The following CAP2 variants were observed in gnomAD, a reference collection of about 807,000 sequenced individuals.
CAP2 encodes cyclase associated actin cytoskeleton regulatory protein 2.
A neutral mutation model predicts 57.7 loss-of-function variants in CAP2; 24 were observed. The observed-to-expected ratio is 0.42, with a 90% CI of 0.30 to 0.58. CAP2 has a LOEUF of 0.58. Among genes scored for constraint, CAP2 ranks in the 20% least tolerant of loss-of-function variants. The pLI, the probability that CAP2 is intolerant of heterozygous loss-of-function variation, is 0.22. For missense variants in CAP2, 501 were observed against 590.3 expected (o/e 0.85, Z 1.57); for synonymous variants, 194 against 207.2 (o/e 0.94, Z 0.55).
At chr6:17,555,373 T>C (rs1763276592) in intron 12 of CAP2, among the ~76,000 whole-genome samples, 2 of 151,654 alleles carry the variant, frequency 1.3e-5, no homozygotes, top group South Asian at 2.1e-4. Flanking sequence ...TTTGTATTTT[T>C]AGTAGACACG....
chr6:17,549,451 C>A (rs947430007), intron 11 of CAP2, among the ~76,000 whole-genome samples: 2 of 150,632 alleles, frequency 1.3e-5, no homozygotes, highest in Non-Finnish European at 3.0e-5. Flanking sequence ...GCAACAAGAG[C>A]GAAACTCCAT....
intron 11 of CAP2, 66 bp downstream of exon 11, chr6:17,543,209 G>GAGCCTTTCCAACCACGCTGTAATAAGC (rs1762950185): frequency 7.4e-7 from 1 of 1,346,446 alleles, no homozygotes; most frequent in African/African-American, 1.4e-5. Context: ...GTAATAAGCA[G>GAGCCTTTCCAACCACGCTGTAATAAGC]AGCCTTTCCA....
intron 11 of CAP2, among the ~76,000 whole-genome samples, chr6:17,547,995 A>C (rs550920086): frequency 1.6e-4 from 24 of 152,274 alleles, no homozygotes; most frequent in African/African-American, 5.3e-4. Context: ...AACTAAAAAA[A>C]CATTCAGCAA....
chr6:17,541,198 G>C, intron 9 of CAP2, 50 bp downstream of exon 9: 1 of 1,422,930 alleles, frequency 7.0e-7, no homozygotes, highest in East Asian at 2.3e-5. Context: ...CCAATGAAAG[G>C]ACCAACAGCC....
intron 4 of CAP2, among the ~76,000 whole-genome samples, chr6:17,466,339 T>C (rs1368527594): frequency 6.6e-6 from 1 of 152,192 alleles, no homozygotes; most frequent in Non-Finnish European, 1.5e-5. Flanking sequence ...CTCAGACTGC[T>C]GGGCCCCACT....
At chr6:17,406,203 C>CTT (rs2113509408) in intron 1 of CAP2, among the ~76,000 whole-genome samples, 2 of 152,120 alleles carry the variant, frequency 1.3e-5, no homozygotes, top group Admixed American at 1.3e-4. Context: ...CCCAAGATCC[C>CTT]TTTTTCCTGT....
intron 4 of CAP2, among the ~76,000 whole-genome samples, chr6:17,492,558 G>C (rs1212937921): frequency 1.3e-5 from 2 of 152,144 alleles, no homozygotes; most frequent in East Asian, 1.9e-4. Context: ...CAGCCAGTTG[G>C]GGGGAAAAGC....
intron 4 of CAP2, among the ~76,000 whole-genome samples, chr6:17,478,655 T>C (rs1761216120): frequency 1.3e-5 from 2 of 152,082 alleles, no homozygotes; most frequent in African/African-American, 2.4e-5. Context: ...CAAAAACAAC[T>C]TCCTTCACTG....
rs1554123103 is a variant in CAP2, at chr6:17,443,594, C to CACAT, written c.222+16904_222+16905insACAT. On this transcript the variant is annotated intron_variant, in intron 3 of 12. Coordinates refer to ENST00000229922, the MANE Select transcript of CAP2 (RefSeq NM_006366.3). Reference sequence around the variant, plus strand: ...ACACAGACACACACACACACACACACGTGCGCACGTGCACTCCCTCCACTC... The same window carrying CACAT: ...ACACAGACACACACACACACACACACACATGTGCGCACGTGCACTCCCTCCACTC... 2.3e-4 allele frequency among the ~76,000 whole-genome samples: 35 copies of CACAT among 151,584 alleles called. 1 individual carries two copies. The highest frequency in any genetic ancestry group is 8.2e-4 in the African/African-American group (34 of 41,224).
intron 11 of CAP2, among the ~76,000 whole-genome samples, chr6:17,547,653 A>G (rs1283964463): frequency 6.6e-6 from 1 of 152,018 alleles, no homozygotes; most frequent in African/African-American, 2.4e-5. Flanking sequence ...CATCCTGGCT[A>G]ACACAGTGAA....
intron 4 of CAP2, among the ~76,000 whole-genome samples, chr6:17,484,194 C>G (rs1365876293): frequency 6.6e-6 from 1 of 152,060 alleles, no homozygotes; most frequent in Non-Finnish European, 1.5e-5. Flanking sequence ...GGGCTCCATT[C>G]ATTTCCTTTC....
In CAP2 at chr6:17,522,272, AGTT is replaced by A. The variant is rs1270013678; in HGVS notation, c.636+8322_636+8324del. Among the ~76,000 whole-genome samples, 4 of 152,160 alleles carry A rather than the reference AGTT, an allele frequency of 2.6e-5. No individual in the cohort carries two copies. In the East Asian group the frequency reaches 5.8e-4, roughly 22 times the overall value. ...TACTGTATTTAAGTTGGGCCAAAGG[AGTT>A]GTTATAGGGAAATCATTCACTTTTA... is the stretch of plus-strand genomic sequence containing the variant. On this transcript the variant is annotated intron_variant, in intron 7 of 12. Coordinates refer to ENST00000229922, the MANE Select transcript of CAP2 (RefSeq NM_006366.3).
chr6:17,523,358 G>A (rs1361728590), intron 7 of CAP2, among the ~76,000 whole-genome samples: 1 of 152,160 alleles, frequency 6.6e-6, no homozygotes, highest in Non-Finnish European at 1.5e-5. Flanking sequence ...ATCTTCACCT[G>A]GGGTTTCACT....
At chr6:17,428,521 G>T (rs1759645768) in intron 3 of CAP2, among the ~76,000 whole-genome samples, 1 of 151,252 alleles carries the variant, frequency 6.6e-6, no homozygotes, top group African/African-American at 2.4e-5. Flanking sequence ...CTTGAATAAA[G>T]TTGTGGTTTG....
chr6:17,421,593 G>C lies in CAP2; in HGVS notation c.38G>C (p.Arg13Pro), dbSNP rs201044058. 6.8e-6 allele frequency: 11 copies of C among 1,614,072 alleles called. No individual in the cohort carries two copies. Among genetic ancestry groups the C allele is most frequent in the Non-Finnish European group, 8.5e-6 (10 of 1,179,970 alleles). Residue 13 changes from arginine to proline, a missense_variant, in exon 2 of 13, where the codon CGA becomes CCA. Physicochemically the swap from Arg to Pro is moderately radical, Grantham distance 103. Coordinates refer to ENST00000229922, the MANE Select transcript of CAP2 (RefSeq NM_006366.3). Reference protein sequence around the residue: ...NMQGLVERLERAVSRLESLSA... With the variant: ...NMQGLVERLEPAVSRLESLSA... ...CAGGGACTGGTGGAAAGACTGGAACGAGCTGTCAGCCGCCTGGAGTCGCTG... is the reference window on the plus strand; with the variant it reads ...CAGGGACTGGTGGAAAGACTGGAACCAGCTGTCAGCCGCCTGGAGTCGCTG...
intron 3 of CAP2, among the ~76,000 whole-genome samples, chr6:17,438,971 C>T (rs1759988827): frequency 6.7e-6 from 1 of 150,328 alleles, no homozygotes; most frequent in South Asian, 2.1e-4. Flanking sequence ...ATTAGCCGGG[C>T]GTGGTAGTGC....
At chr6:17,481,080 T>C (rs1215067590) in intron 4 of CAP2, among the ~76,000 whole-genome samples, 1 of 150,916 alleles carries the variant, frequency 6.6e-6, no homozygotes, top group Admixed American at 6.6e-5. Context: ...TGTGAGCCAC[T>C]GCACCCAGCA....
chr6:17,539,579 A>G, intron 8 of CAP2, 121 bp downstream of exon 8: 1 of 746,570 alleles, frequency 1.3e-6, no homozygotes, highest in Non-Finnish European at 2.1e-6. Context: ...GCATGCAGGG[A>G]GAGGGGGAAC....
chr6:17,436,683 C>G (rs1759899442), intron 3 of CAP2, among the ~76,000 whole-genome samples: 1 of 152,006 alleles, frequency 6.6e-6, no homozygotes, highest in Non-Finnish European at 1.5e-5. Flanking sequence ...CTCCCTTGCT[C>G]CAGTCTCCTC....
Sources: gnomAD v4.1 joint callset for allele counts (sites outside exome capture counted in the v4.1 genomes callset) on GRCh38, gnomAD v4.1.1 for gene constraint, MANE v1.5 for transcripts, NCBI Gene and HGNC (gene_info 2026-07-23, HGNC 2026-07-21) for gene names.